The following CSMD1 variants were observed in gnomAD, a reference collection of about 807,000 sequenced individuals.
The protein encoded by CSMD1 is CUB and sushi domain-containing protein 1.
In CSMD1, 213 loss-of-function variants were observed where a neutral mutation model predicts 417.5. The observed-to-expected ratio is 0.51, with a 90% CI of 0.46 to 0.57. The LOEUF (loss-of-function observed/expected upper bound fraction) is 0.57, where lower values mean the gene tolerates loss of function less well. Among genes scored for constraint, CSMD1 ranks in the 20% least tolerant of loss-of-function variants. The pLI is 0.00. For synonymous variants in CSMD1, 2,862 were observed against 1,736.8 expected (o/e 1.65, Z -16.11); for missense variants, 6,923 against 4,529.7 (o/e 1.53, Z -15.17).
In CSMD1 at chr8:4,052,507, G is replaced by C. The variant is rs2554542; in HGVS notation, c.416-20408C>G. 5.5e-3 allele frequency among the ~76,000 whole-genome samples: 830 copies of C among 152,236 alleles called. 27 individuals carry two copies. The East Asian group carries it at 0.07, about 13-fold the overall frequency. On this transcript the variant is annotated intron_variant, in intron 3 of 69. Coordinates refer to ENST00000635120, the MANE Select transcript of CSMD1 (RefSeq NM_033225.6). ...AGGGTCAGAGTGCAGTGGGAGATCA[G>C]CATCTCCAAATTTAGTTTGCTAGAA... is the stretch of plus-strand genomic sequence containing the variant.
chr8:3,445,380 C>G (rs978989165), intron 12 of CSMD1, among the ~76,000 whole-genome samples: 1 of 152,126 alleles, frequency 6.6e-6, no homozygotes, highest in Non-Finnish European at 1.5e-5. Context: ...CTTATTTTCA[C>G]AAACACTCAA....
At chr8:4,032,750 G>A (rs148510875) in intron 3 of CSMD1, among the ~76,000 whole-genome samples, 3 of 152,226 alleles carry the variant, frequency 2.0e-5, no homozygotes, top group African/African-American at 7.2e-5. Context: ...GCTAAGTTTT[G>A]ACAACAGAAA....
intron 3 of CSMD1, among the ~76,000 whole-genome samples, chr8:4,071,488 C>G (rs1799556129): frequency 6.6e-6 from 1 of 151,878 alleles, no homozygotes; most frequent in Non-Finnish European, 1.5e-5. Flanking sequence ...AACTTTTTTT[C>G]ACCAAGAGCA....
Position 3,417,806 on chromosome 8 carries a change from C to T in CSMD1, c.1562-8201G>A, listed in dbSNP as rs559931918. 1.3e-4 allele frequency among the ~76,000 whole-genome samples: 20 copies of T among 151,768 alleles called. No homozygotes were observed. The South Asian group carries it at 4.2e-3, about 32-fold the overall frequency. On this transcript the variant is annotated intron_variant, in intron 12 of 69. Coordinates refer to ENST00000635120, the MANE Select transcript of CSMD1 (RefSeq NM_033225.6). Reference sequence around the variant, plus strand: ...ACCTTCGGAAAACAAGATTGCAGCACATAAATGGAAGTCTACAGACCCTGT... The same window carrying T: ...ACCTTCGGAAAACAAGATTGCAGCATATAAATGGAAGTCTACAGACCCTGT...
intron 1 of CSMD1, among the ~76,000 whole-genome samples, chr8:4,714,803 A>C (rs1808543376): frequency 6.6e-6 from 1 of 152,216 alleles, no homozygotes; most frequent in Non-Finnish European, 1.5e-5. Context: ...ATTAAAATAG[A>C]CTCAACATTA....
chr8:3,650,404 CA>C, intron 7 of CSMD1, among the ~76,000 whole-genome samples: 1 of 152,024 alleles, frequency 6.6e-6, no homozygotes. Flanking sequence ...TATGACATGG[CA>C]AAAAGTCATA....
intron 12 of CSMD1, among the ~76,000 whole-genome samples, chr8:3,440,473 G>C (rs769974468): frequency 2.0e-5 from 3 of 152,158 alleles, no homozygotes; most frequent in Non-Finnish European, 4.4e-5. Flanking sequence ...AAATACAGTA[G>C]ATTTTGTTGT....
chr8:3,657,658 A>G (rs1433831786), intron 7 of CSMD1, among the ~76,000 whole-genome samples: 3 of 152,160 alleles, frequency 2.0e-5, no homozygotes, highest in Non-Finnish European at 4.4e-5. Flanking sequence ...GAACACATGG[A>G]CACAAGGAAG....
At chr8:4,681,168 G>C (rs1298792879) in intron 1 of CSMD1, among the ~76,000 whole-genome samples, 1 of 152,128 alleles carries the variant, frequency 6.6e-6, no homozygotes, top group South Asian at 2.1e-4. Flanking sequence ...AATACTTCTT[G>C]AGAAGGTAAT....
intron 3 of CSMD1, among the ~76,000 whole-genome samples, chr8:4,110,137 A>T (rs183299106): frequency 2.0e-5 from 3 of 152,276 alleles, no homozygotes; most frequent in Admixed American, 2.0e-4. Context: ...TCTTAGAATA[A>T]TAAGGTTTAA....
intron 12 of CSMD1, among the ~76,000 whole-genome samples, chr8:3,440,515 A>C (rs1814906014): frequency 6.6e-6 from 1 of 152,200 alleles, no homozygotes; most frequent in Non-Finnish European, 1.5e-5. Context: ...TGAAGTCACC[A>C]AACTGGGTTC....
chr8:3,936,726 A>G (rs2129714164), intron 5 of CSMD1, among the ~76,000 whole-genome samples: 1 of 152,314 alleles, frequency 6.6e-6, no homozygotes, highest in Non-Finnish European at 1.5e-5. Context: ...TAATGTTTTC[A>G]TGCTTGTTAA....
chr8:4,490,747 G>A (rs1042550085), intron 2 of CSMD1, among the ~76,000 whole-genome samples: 1 of 152,166 alleles, frequency 6.6e-6, no homozygotes, highest in Non-Finnish European at 1.5e-5. Context: ...GGATAACCCA[G>A]GGTCAGATTG....
intron 3 of CSMD1, among the ~76,000 whole-genome samples, chr8:4,093,685 G>A (rs933590079): frequency 2.0e-5 from 3 of 152,186 alleles, no homozygotes; most frequent in Non-Finnish European, 2.9e-5. Context: ...GAACGGCCGG[G>A]TGCAGAGGCT....
intron 10 of CSMD1, among the ~76,000 whole-genome samples, chr8:3,507,475 G>C (rs1291499476): frequency 6.6e-6 from 1 of 152,184 alleles, no homozygotes; most frequent in Non-Finnish European, 1.5e-5. Context: ...ACGTGTGCAT[G>C]TGTCTTTATA....
intron 2 of CSMD1, among the ~76,000 whole-genome samples, chr8:4,573,220 G>A (rs1294646510): frequency 6.6e-6 from 1 of 152,150 alleles, no homozygotes; most frequent in Non-Finnish European, 1.5e-5. Context: ...GGAATTTTCA[G>A]CATTTTTGTG....
intron 1 of CSMD1, among the ~76,000 whole-genome samples, chr8:4,659,287 AACTAT>A (rs1804435652): frequency 6.6e-6 from 1 of 152,234 alleles, no homozygotes; most frequent in African/African-American, 2.4e-5. Flanking sequence ...TTAACACCCT[AACTAT>A]ACAACTGAAG....
intron 2 of CSMD1, among the ~76,000 whole-genome samples, chr8:4,618,286 A>G (rs1304840666): frequency 9.4e-6 from 1 of 106,314 alleles, no homozygotes; most frequent in Admixed American, 8.8e-5. Context: ...TAATATTGCT[A>G]AGCTCAGCCA....
At chr8:4,360,410 A>G (rs1442291065) in intron 3 of CSMD1, among the ~76,000 whole-genome samples, 1 of 152,152 alleles carries the variant, frequency 6.6e-6, no homozygotes, top group East Asian at 1.9e-4. Context: ...ATAAAACAGT[A>G]TTTGTGGAAT....
Sources: allele counts gnomAD v4.1 joint callset (sites outside exome capture counted in the v4.1 genomes callset), GRCh38; gene constraint gnomAD v4.1.1; transcripts MANE v1.5; gene names NCBI Gene and HGNC (gene_info 2026-07-23, HGNC 2026-07-21).